Variants in NBAS observed in about 807,000 individuals in gnomAD.
NBAS encodes NAG/BC035112 fusion.
Under a neutral mutation model 302.5 loss-of-function variants are expected in NBAS, and 219 were observed. That is an observed-to-expected ratio of 0.72 (90% CI 0.65 to 0.81). NBAS has a LOEUF of 0.81. NBAS is among the 30% of genes least tolerant of loss of function. NBAS has a pLI of 0.00. For synonymous variants in NBAS, 1,118 were observed against 1,021.6 expected (o/e 1.09, Z -1.80); for missense variants, 2,932 against 2,841.6 (o/e 1.03, Z -0.72).
At chr2:15,148,803 T>A in the NBAS span, among the ~76,000 whole-genome samples, 4 of 152,318 alleles carry the variant, frequency 2.6e-5, no homozygotes, top group South Asian at 4.1e-4. Context: ...CTGCTCTTAA[T>A]AGGAAATGAT....
the NBAS span, among the ~76,000 whole-genome samples, chr2:14,797,471 A>C: frequency 6.6e-6 from 1 of 152,134 alleles, no homozygotes; most frequent in Admixed American, 6.6e-5. Flanking sequence ...GGACTGAATG[A>C]GCTGTTAACA....
chr2:14,795,442 T>C, the NBAS span, among the ~76,000 whole-genome samples: 1 of 151,958 alleles, frequency 6.6e-6, no homozygotes, highest in African/African-American at 2.4e-5. Flanking sequence ...TATTGGCTTA[T>C]TATTATGGAG....
the NBAS span, among the ~76,000 whole-genome samples, chr2:15,123,642 C>T: frequency 6.6e-6 from 1 of 152,000 alleles, no homozygotes; most frequent in Non-Finnish European, 1.5e-5. Context: ...AGAGCACCTC[C>T]CTCCTCTCTG....
chr2:14,987,017 T>C, the NBAS span, among the ~76,000 whole-genome samples: 1 of 152,110 alleles, frequency 6.6e-6, no homozygotes, highest in Non-Finnish European at 1.5e-5. Context: ...GGAATTGATG[T>C]CCTAATTATT....
At chr2:15,343,137 C>T (rs1007250505) in intron 35 of NBAS, among the ~76,000 whole-genome samples, 1 of 152,050 alleles carries the variant, frequency 6.6e-6, no homozygotes, top group Admixed American at 6.6e-5. Flanking sequence ...ACTGTCCAGG[C>T]TATGCATTTA....
Position 15,167,232 on chromosome 2 carries a change from C to A in NBAS, c.6932G>T (p.Arg2311Leu). 2 of 1,614,232 alleles carry A rather than the reference C, an allele frequency of 1.2e-6. No individual in the cohort carries two copies. Among genetic ancestry groups the A allele is most frequent in the Non-Finnish European group, 1.7e-6 (2 of 1,180,042 alleles). The change falls in exon 52 of 52, where the codon CGT becomes CTT. Residue 2311 changes from arginine (R) to leucine (L), a missense_variant. Transcript: ENST00000281513. ...GCTAGCCAAGAGGTGGTCAACAATA[C>A]GTGGATAGAAGGGAGTGGAGACACA... ...VKCVSTPFYP[R>L]IVDHLLASLQ...
At chr2:15,042,648 G>A in the NBAS span, among the ~76,000 whole-genome samples, 1 of 152,168 alleles carries the variant, frequency 6.6e-6, no homozygotes, top group African/African-American at 2.4e-5. Flanking sequence ...TGGCAGGGCT[G>A]TGAAGACACT....
At chr2:15,091,930 A>G in the NBAS span, among the ~76,000 whole-genome samples, 2 of 152,230 alleles carry the variant, frequency 1.3e-5, no homozygotes, top group Non-Finnish European at 2.9e-5. Flanking sequence ...ACGTGTTAAA[A>G]GACTGCTTAT....
chr2:15,001,875 AT>A, the NBAS span, among the ~76,000 whole-genome samples: 1 of 151,860 alleles, frequency 6.6e-6, no homozygotes, highest in Non-Finnish European at 1.5e-5. Flanking sequence ...CAGTAGCAAG[AT>A]TTATTGCAAA....
chr2:15,505,175 T>C (rs2287266), intron 10 of NBAS, among the ~76,000 whole-genome samples: 87,282 of 151,558 alleles, frequency 0.58, 25,669 homozygotes, highest in Middle Eastern at 0.63. Flanking sequence ...TGTCCCCACT[T>C]ACTCCATTGT....
chr2:15,320,022 A>G (rs1671721611), intron 38 of NBAS, among the ~76,000 whole-genome samples: 1 of 152,214 alleles, frequency 6.6e-6, no homozygotes, highest in Admixed American at 6.5e-5. Flanking sequence ...AACCAAATCC[A>G]GCAGCACATC....
At chr2:14,867,539 C>T in the NBAS span, among the ~76,000 whole-genome samples, 1 of 152,154 alleles carries the variant, frequency 6.6e-6, no homozygotes, top group African/African-American at 2.4e-5. Flanking sequence ...GCTCCTCCAT[C>T]TTACAATTCT....
At chr2:15,369,818 C>T (rs570373463) in intron 31 of NBAS, among the ~76,000 whole-genome samples, 14 of 151,558 alleles carry the variant, frequency 9.2e-5, no homozygotes, top group African/African-American at 2.9e-4. Flanking sequence ...CACACGTATA[C>T]ACACACACAC....
the NBAS span, among the ~76,000 whole-genome samples, chr2:14,850,285 T>C: frequency 4.0e-5 from 5 of 124,324 alleles, no homozygotes; most frequent in Non-Finnish European, 6.2e-5. Flanking sequence ...AATCCTAGTC[T>C]CTGATAAAAC....
intron 25 of NBAS, 73 bp downstream of exon 25, chr2:15,415,473 A>G: frequency 1.5e-6 from 2 of 1,340,912 alleles, no homozygotes. Context: ...CCTACCATAA[A>G]AATTGTATAA....
At chr2:15,380,341 A>G (rs1386233367) in intron 29 of NBAS, among the ~76,000 whole-genome samples, 2 of 152,136 alleles carry the variant, frequency 1.3e-5, no homozygotes, top group Admixed American at 6.6e-5. Flanking sequence ...TGGCTTCCCA[A>G]AGTGTTGGGA....
the NBAS span, among the ~76,000 whole-genome samples, chr2:15,032,221 C>A: frequency 2.6e-5 from 4 of 152,164 alleles, no homozygotes; most frequent in Middle Eastern, 3.2e-3. Flanking sequence ...ACAGTGCCTA[C>A]AAATGTGTAA....
intron 6 of NBAS, among the ~76,000 whole-genome samples, chr2:15,544,796 G>C (rs191644400): frequency 1.6e-3 from 236 of 152,250 alleles, no homozygotes; most frequent in African/African-American, 5.6e-3. Flanking sequence ...TGGATAACGA[G>C]GTCAGGAGTT....
the NBAS span, among the ~76,000 whole-genome samples, chr2:15,108,671 A>G: frequency 4.9e-4 from 75 of 152,286 alleles, no homozygotes; most frequent in African/African-American, 1.7e-3. Flanking sequence ...AGCTGTGGAA[A>G]AGAAGAGCTT....
Sources: gnomAD v4.1 joint callset for allele counts (sites outside exome capture counted in the v4.1 genomes callset) on GRCh38, gnomAD v4.1.1 for gene constraint, MANE v1.5 for transcripts, NCBI Gene and HGNC (gene_info 2026-07-23, HGNC 2026-07-21) for gene names.